PDE4D: variants seen among roughly 807,000 people sequenced by gnomAD.
PDE4D encodes the protein 3',5'-cyclic-AMP phosphodiesterase 4D.
In PDE4D, 24 loss-of-function variants were observed where a neutral mutation model predicts 87.4. The observed-to-expected ratio is 0.27, with a 90% CI of 0.20 to 0.39. PDE4D has a LOEUF of 0.39. Among genes scored for constraint, PDE4D ranks in the 10% least tolerant of loss-of-function variants. The pLI is 1.00. For missense variants in PDE4D, 714 were observed against 1,041.0 expected (o/e 0.69, Z 4.32); for synonymous variants, 384 against 383.2 (o/e 1.00, Z -0.02).
intron 2 of PDE4D, among the ~76,000 whole-genome samples, chr5:60,136,336 A>T (rs1187323425): frequency 2.0e-5 from 3 of 149,306 alleles, no homozygotes; most frequent in Admixed American, 6.7e-5. Flanking sequence ...TTAATTTTTG[A>T]GATGAAGTCT....
intron 1 of PDE4D, among the ~76,000 whole-genome samples, chr5:59,474,220 G>A (rs765897970): frequency 6.6e-6 from 1 of 151,998 alleles, no homozygotes; most frequent in Non-Finnish European, 1.5e-5. Context: ...TTTCTTTTAA[G>A]TTCATTATAT....
Position 60,334,848 on chromosome 5 carries a change from CCT to C in PDE4D, c.-89-149163_-89-149162del, listed in dbSNP as rs780650016. 3.3e-4 allele frequency among the ~76,000 whole-genome samples: 50 copies of C among 152,104 alleles called. 1 individual carries two copies. The highest frequency in any genetic ancestry group is 2.7e-4 in the African/African-American group (11 of 41,414). On this transcript the variant is annotated intron_variant, in intron 1 of 16. Transcript: ENST00000502484. ...TAAATACGATTCTAGATTTCCTACC[CCT>C]GTTTCCATAAGAGTAATTTTGCCTT...
intron 2 of PDE4D, among the ~76,000 whole-genome samples, chr5:60,049,424 T>C (rs1562025045): frequency 6.6e-6 from 1 of 152,248 alleles, no homozygotes; most frequent in Non-Finnish European, 1.5e-5. Flanking sequence ...TGCGTTCCTT[T>C]GGACGAGGAG....
chr5:58,989,674 T>C (rs1329659317), intron 10 of PDE4D, 81 bp downstream of exon 10: 2 of 793,934 alleles, frequency 2.5e-6, no homozygotes, highest in Middle Eastern at 2.4e-4. Context: ...ATCTTCTCCA[T>C]TGAAAACCCT....
At chr5:60,309,811 C>G (rs531551918) in intron 1 of PDE4D, among the ~76,000 whole-genome samples, 2 of 152,060 alleles carry the variant, frequency 1.3e-5, no homozygotes, top group Non-Finnish European at 2.9e-5. Context: ...TGCTAATTTG[C>G]TTATATATCA....
At chr5:59,979,421 G>GGGGTGTGTGTGTGT (rs71606616) in intron 3 of PDE4D, among the ~76,000 whole-genome samples, 15 of 147,718 alleles carry the variant, frequency 1.0e-4, no homozygotes, top group South Asian at 2.2e-4. Context: ...CACAGCAAGG[G>GGGGTGTGTGTGTGT]GTGTGTGTGT....
chr5:59,862,798 A>G (rs1279703450), intron 1 of PDE4D, among the ~76,000 whole-genome samples: 1 of 152,218 alleles, frequency 6.6e-6, no homozygotes, highest in Non-Finnish European at 1.5e-5. Flanking sequence ...TAATATAAGA[A>G]GCTCAATTGG....
rs1561347797 is a variant in PDE4D, at chr5:59,031,384, T to TA, written c.921+7474dup. On this transcript the variant is annotated intron_variant, in intron 6 of 14. Transcript: ENST00000340635. ...TGTGATATATATATATATATATATA[T>TA]ATATATATTATATATATATATATAT... Among the ~76,000 whole-genome samples the TA allele has an allele frequency of 3.9e-3, 168 of 42,630 alleles. 1 individual carries two copies. Among genetic ancestry groups the TA allele is most frequent in the African/African-American group, 0.021 (161 of 7,744 alleles). The allele number at this position is 42,630 out of a possible 152,430, so 28.0% of individuals were successfully genotyped here.
chr5:60,337,351 C>CAAAATATATATATATATATA (rs1491477498), intron 1 of PDE4D, among the ~76,000 whole-genome samples: 2 of 62,258 alleles, frequency 3.2e-5, no homozygotes, highest in African/African-American at 4.9e-5. Flanking sequence ...AACAAACAAA[C>CAAAATATATATATATATATA]TATATATATA....
At chr5:59,054,099 T>G (rs1338510999) in intron 5 of PDE4D, among the ~76,000 whole-genome samples, 1 of 152,178 alleles carries the variant, frequency 6.6e-6, no homozygotes, top group Non-Finnish European at 1.5e-5. Context: ...TTTTCAAATT[T>G]GTTCTTGGTG....
chr5:60,064,756 C>A (rs183514140), intron 2 of PDE4D, among the ~76,000 whole-genome samples: 1 of 152,192 alleles, frequency 6.6e-6, no homozygotes, highest in Admixed American at 6.5e-5. Context: ...ACCTCATCAC[C>A]TTTCCTCAAA....
At chr5:59,207,866 T>C (rs1304083947) in intron 2 of PDE4D, among the ~76,000 whole-genome samples, 3 of 151,948 alleles carry the variant, frequency 2.0e-5, no homozygotes, top group African/African-American at 7.2e-5. Flanking sequence ...GTTTTTTTTT[T>C]CACATTTAAA....
chr5:59,818,823 G>T (rs950821790), intron 1 of PDE4D, among the ~76,000 whole-genome samples: 3 of 149,520 alleles, frequency 2.0e-5, no homozygotes, highest in Non-Finnish European at 3.0e-5. Context: ...TCAGGATGAA[G>T]AATTTTCCTC....
intron 1 of PDE4D, among the ~76,000 whole-genome samples, chr5:59,253,964 C>T (rs539895963): frequency 6.6e-6 from 1 of 152,202 alleles, no homozygotes; most frequent in Non-Finnish European, 1.5e-5. Flanking sequence ...ATAAGGCAAA[C>T]TAATTTAACC....
intron 1 of PDE4D, among the ~76,000 whole-genome samples, chr5:59,805,004 G>A (rs1581188946): frequency 6.6e-6 from 1 of 152,204 alleles, no homozygotes; most frequent in Middle Eastern, 3.4e-3. Context: ...TGTTGGCCAG[G>A]CTGATCTCAA....
At chr5:59,860,742 A>G (rs1746131871) in intron 1 of PDE4D, among the ~76,000 whole-genome samples, 1 of 152,172 alleles carries the variant, frequency 6.6e-6, no homozygotes, top group Non-Finnish European at 1.5e-5. Context: ...AAAGAATCCA[A>G]ACTACAGTAT....
chr5:59,297,593 CTAAAG>C, intron 1 of PDE4D, among the ~76,000 whole-genome samples: 1 of 152,032 alleles, frequency 6.6e-6, no homozygotes, highest in Non-Finnish European at 1.5e-5. Context: ...TTCTTACCTA[CTAAAG>C]TAAAGTTTCA....
chr5:59,031,676 C>T (rs1483802161), intron 6 of PDE4D, among the ~76,000 whole-genome samples: 3 of 135,404 alleles, frequency 2.2e-5, no homozygotes, highest in Non-Finnish European at 4.6e-5. Context: ...CCACTGCACT[C>T]CAGCCTGGGC....
intron 2 of PDE4D, among the ~76,000 whole-genome samples, chr5:59,200,334 T>C (rs570696138): frequency 1.1e-4 from 13 of 120,716 alleles, no homozygotes; most frequent in African/African-American, 4.8e-4. Context: ...TACACGTGTA[T>C]GTACAGCTAC....
Sources: gnomAD v4.1 joint callset for allele counts (sites outside exome capture counted in the v4.1 genomes callset) on GRCh38, gnomAD v4.1.1 for gene constraint, MANE v1.5 for transcripts, NCBI Gene and HGNC (gene_info 2026-07-23, HGNC 2026-07-21) for gene names.